PRIMA1: variants seen among roughly 807,000 people sequenced by gnomAD.
PRIMA1 encodes proline-rich membrane anchor 1.
A neutral mutation model predicts 17.5 loss-of-function variants in PRIMA1; 7 were observed. The observed-to-expected ratio is 0.40, with a 90% CI of 0.23 to 0.75. PRIMA1 has a LOEUF of 0.75. Ranked by LOEUF, PRIMA1 falls within the 30% of genes least tolerant of loss-of-function variation. PRIMA1 has a pLI of 0.37. For missense variants in PRIMA1, 200 were observed against 201.8 expected, an observed-to-expected ratio of 0.99 and a Z score of 0.05; for synonymous variants, 97 against 77.9, an observed-to-expected ratio of 1.25 and a Z score of -1.29.
In PRIMA1 at chr14:93,720,849, G is replaced by A. The variant is rs1474014199; in HGVS notation, c.*595C>T. ...CAGGCAGTCAGGAGCCTAGGGTGTA[G>A]GGTGTCAGTGGGGATAGGAGGGAGA... On this transcript the variant is annotated 3_prime_UTR_variant, in exon 5 of 5. Coordinates refer to ENST00000393140, the MANE Select transcript of PRIMA1 (RefSeq NM_178013.4). The A allele has an allele frequency of 6.5e-6, 1 of 152,748 alleles. No individual in the cohort carries two copies. Among genetic ancestry groups the A allele is most frequent in the Non-Finnish European group, 1.5e-5 (1 of 68,444 alleles). The allele number at this position is 152,748 out of a possible 1,614,324, so 9.5% of individuals were successfully genotyped here. A position where few individuals can be genotyped will look rare whatever the true frequency, so the allele number is the denominator to read the frequency against.
chr14:93,728,570 G>A (rs904969362), intron 4 of PRIMA1, among the ~76,000 whole-genome samples: 6 of 152,130 alleles, frequency 3.9e-5, no homozygotes, highest in Non-Finnish European at 8.8e-5. Flanking sequence ...ACTGCAGTGG[G>A]CGTCACCTGA....
intron 3 of PRIMA1, among the ~76,000 whole-genome samples, chr14:93,776,803 A>G (rs1456770222): frequency 1.3e-5 from 2 of 152,220 alleles, no homozygotes; most frequent in African/African-American, 2.4e-5. Context: ...TACTTTATAG[A>G]GAAGGTCTCA....
rs760411319 is a variant in PRIMA1 at position 93,760,160 on chromosome 14, A to G, written c.229+19016T>C. Reference sequence around the variant, plus strand: ...CAAAACAAGGCAACGTCTTGGCACAATCTTTGAAATCAGTGGTTGCCACAG... The same window carrying G: ...CAAAACAAGGCAACGTCTTGGCACAGTCTTTGAAATCAGTGGTTGCCACAG... On this transcript the variant is annotated intron_variant, in intron 3 of 4. Transcript: ENST00000393140. 3.3e-5 allele frequency among the ~76,000 whole-genome samples: 5 copies of G among 152,194 alleles called. No individual in the cohort carries two copies. In the South Asian group the frequency reaches 1.0e-3, roughly 32 times the overall value.
chr14:93,746,685 G>A (rs779720549), intron 3 of PRIMA1, among the ~76,000 whole-genome samples: 24 of 152,116 alleles, frequency 1.6e-4, no homozygotes, highest in Non-Finnish European at 1.9e-4. Context: ...GGGGAAGGGC[G>A]GGAGGCTGCG....
intron 2 of PRIMA1, among the ~76,000 whole-genome samples, chr14:93,783,773 G>A (rs897096221): frequency 5.9e-5 from 9 of 152,202 alleles, no homozygotes; most frequent in Non-Finnish European, 7.3e-5. Context: ...CTGAGGCACA[G>A]GTATGTCCTG....
At chr14:93,746,760 G>A (rs1392531498) in intron 3 of PRIMA1, among the ~76,000 whole-genome samples, 1 of 152,266 alleles carries the variant, frequency 6.6e-6, no homozygotes, top group Non-Finnish European at 1.5e-5. Flanking sequence ...CCGCAGAGGC[G>A]GTGAGGAAAG....
intron 3 of PRIMA1, among the ~76,000 whole-genome samples, chr14:93,745,915 G>A (rs1301167185): frequency 6.6e-6 from 1 of 152,132 alleles, no homozygotes; most frequent in Non-Finnish European, 1.5e-5. Flanking sequence ...CAACAGAACC[G>A]CCTCCTCAGA....
At chr14:93,730,078 A>G (rs2076104150) in intron 4 of PRIMA1, among the ~76,000 whole-genome samples, 1 of 152,248 alleles carries the variant, frequency 6.6e-6, no homozygotes, top group Non-Finnish European at 1.5e-5. Flanking sequence ...CTGTCAGTTT[A>G]AAAGGTGGAC....
At chr14:93,761,212 A>G (rs1425813577) in intron 3 of PRIMA1, among the ~76,000 whole-genome samples, 1 of 152,200 alleles carries the variant, frequency 6.6e-6, no homozygotes, top group African/African-American at 2.4e-5. Context: ...TTAGCTGGGC[A>G]TGATGGCGCA....
chr14:93,744,179 A>G (rs1337416738), intron 3 of PRIMA1, among the ~76,000 whole-genome samples: 1 of 152,188 alleles, frequency 6.6e-6, no homozygotes. Context: ...CTGCCCCCCA[A>G]AGCACCACAA....
At chr14:93,751,095 G>T (rs1246764729) in intron 3 of PRIMA1, among the ~76,000 whole-genome samples, 1 of 152,180 alleles carries the variant, frequency 6.6e-6, no homozygotes, top group Non-Finnish European at 1.5e-5. Flanking sequence ...TGCTGGCCGG[G>T]ACGCAGGGAC....
intron 3 of PRIMA1, among the ~76,000 whole-genome samples, chr14:93,744,118 C>T (rs890754770): frequency 2.0e-5 from 3 of 152,242 alleles, no homozygotes; most frequent in African/African-American, 7.2e-5. Flanking sequence ...CTGCCCGAGG[C>T]CACACAGGGA....
At chr14:93,780,504 G>A (rs1885347271) in intron 2 of PRIMA1, among the ~76,000 whole-genome samples, 1 of 152,300 alleles carries the variant, frequency 6.6e-6, no homozygotes, top group South Asian at 2.1e-4. Context: ...TGTTTTTCCA[G>A]CACCAATCTC....
intron 3 of PRIMA1, among the ~76,000 whole-genome samples, chr14:93,743,561 T>G (rs1412718385): frequency 6.6e-6 from 1 of 152,240 alleles, no homozygotes; most frequent in African/African-American, 2.4e-5. Flanking sequence ...GCCGTAGAGA[T>G]CAACCTCCAT....
At chr14:93,747,203 G>A (rs1167820132) in intron 3 of PRIMA1, among the ~76,000 whole-genome samples, 2 of 152,106 alleles carry the variant, frequency 1.3e-5, no homozygotes, top group Non-Finnish European at 2.9e-5. Flanking sequence ...TGAGGAAGGC[G>A]GCCCAAGCCA....
intron 3 of PRIMA1, among the ~76,000 whole-genome samples, chr14:93,764,931 GC>G (rs984450130): frequency 1.3e-4 from 20 of 152,152 alleles, no homozygotes; most frequent in Non-Finnish European, 2.4e-4. Context: ...GTGCATATAT[GC>G]CCTGGCTCCT....
At position 93,758,989 on chromosome 14, in the gene PRIMA1, TA is replaced by T. The variant is rs2076309535; in HGVS notation, c.229+20186del. On this transcript the variant is annotated intron_variant, in intron 3 of 4. Coordinates refer to ENST00000393140, the MANE Select transcript of PRIMA1 (RefSeq NM_178013.4). ...TTGTTGGCAGGTAGTAGGTGTTCAGTAAATGGTTCACAAGTGAATCTGGAAT... is the reference window on the plus strand; with the variant it reads ...TTGTTGGCAGGTAGTAGGTGTTCAGTAATGGTTCACAAGTGAATCTGGAAT... Among the ~76,000 whole-genome samples the T allele has an allele frequency of 1.3e-5, 2 of 152,162 alleles. 1 individual carries two copies. Among genetic ancestry groups the T allele is most frequent in the South Asian group, 4.1e-4 (2 of 4,826 alleles).
chr14:93,731,971 G>A (rs571750991), intron 4 of PRIMA1, among the ~76,000 whole-genome samples: 2 of 152,324 alleles, frequency 1.3e-5, no homozygotes, highest in South Asian at 2.1e-4. Context: ...GCACAATCAC[G>A]CACACTCAAG....
intron 3 of PRIMA1, among the ~76,000 whole-genome samples, chr14:93,745,953 C>T (rs993435571): frequency 5.9e-5 from 9 of 152,210 alleles, no homozygotes; most frequent in Admixed American, 4.6e-4. Flanking sequence ...GTGAGAGACA[C>T]GATCAGAGAG....
Sources: allele counts gnomAD v4.1 joint callset (sites outside exome capture counted in the v4.1 genomes callset), GRCh38; gene constraint gnomAD v4.1.1; transcripts MANE v1.5; gene names NCBI Gene and HGNC (gene_info 2026-07-23, HGNC 2026-07-21).